Variants in CNTN4 observed in about 807,000 individuals in gnomAD.
CNTN4 encodes the protein contactin 4, also known as contactin-4.
In CNTN4, 77 loss-of-function variants were observed where a neutral mutation model predicts 122.5. That is an observed-to-expected ratio of 0.63 (90% confidence interval 0.52 to 0.76). The LOEUF is 0.76. Ranked by LOEUF, CNTN4 falls within the 30% of genes least tolerant of loss-of-function variation. The pLI is 0.00. For missense variants in CNTN4, 1,256 were observed against 1,259.1 expected, an observed-to-expected ratio of 1.00 and a Z score of 0.04; for synonymous variants, 512 against 447.0, an observed-to-expected ratio of 1.15 and a Z score of -1.83.
chr3:2,318,556 T>C (rs1215238060), intron 2 of CNTN4, among the ~76,000 whole-genome samples: 1 of 152,190 alleles, frequency 6.6e-6, no homozygotes, highest in Non-Finnish European at 1.5e-5. Context: ...GCAGGTATTT[T>C]AAATGAGAAT....
intron 3 of CNTN4, among the ~76,000 whole-genome samples, chr3:2,498,523 C>G (rs943636731): frequency 6.6e-6 from 1 of 152,112 alleles, no homozygotes; most frequent in African/African-American, 2.4e-5. Flanking sequence ...GTCACCCAGG[C>G]TGGAGTGCAT....
chr3:2,193,504 G>C (rs1238919636), intron 2 of CNTN4, among the ~76,000 whole-genome samples: 1 of 152,194 alleles, frequency 6.6e-6, no homozygotes. Flanking sequence ...AAAGAGATGT[G>C]ATAACTAAGT....
chr3:2,284,933 A>G (rs577414597), intron 2 of CNTN4, among the ~76,000 whole-genome samples: 56 of 152,102 alleles, frequency 3.7e-4, no homozygotes, highest in African/African-American at 1.3e-3. Flanking sequence ...AAATGCATTA[A>G]TGCTTCATCA....
At chr3:2,797,327 G>A (rs995290677) in intron 6 of CNTN4, among the ~76,000 whole-genome samples, 6 of 152,286 alleles carry the variant, frequency 3.9e-5, no homozygotes, top group South Asian at 2.1e-4. Context: ...CACTGGGAAT[G>A]GTGGCTTACG....
intron 2 of CNTN4, among the ~76,000 whole-genome samples, chr3:2,210,561 C>T (rs2038570557): frequency 6.6e-6 from 1 of 152,116 alleles, no homozygotes; most frequent in Admixed American, 6.5e-5. Context: ...GGATTATCTC[C>T]ATTGATAGCA....
chr3:2,682,556 C>T (rs1559383024), intron 4 of CNTN4, among the ~76,000 whole-genome samples: 1 of 152,066 alleles, frequency 6.6e-6, no homozygotes, highest in East Asian at 1.9e-4. Context: ...AGAATTTGGA[C>T]ATGCACTAGG....
At chr3:2,200,828 C>G (rs921496817) in intron 2 of CNTN4, among the ~76,000 whole-genome samples, 1 of 152,076 alleles carries the variant, frequency 6.6e-6, no homozygotes, top group African/African-American at 2.4e-5. Flanking sequence ...GGCCATAGCC[C>G]CCTTATGCTT....
intron 3 of CNTN4, among the ~76,000 whole-genome samples, chr3:2,402,111 A>G (rs1427922657): frequency 3.3e-5 from 5 of 152,152 alleles, no homozygotes; most frequent in African/African-American, 1.2e-4. Context: ...TCAAGACAAC[A>G]GGCTTATGGA....
chr3:2,579,471 T>C (rs2079839659), intron 4 of CNTN4, among the ~76,000 whole-genome samples: 1 of 152,026 alleles, frequency 6.6e-6, no homozygotes, highest in Non-Finnish European at 1.5e-5. Context: ...CGAAATTACA[T>C]AGATAGGTCT....
At chr3:2,492,621 G>A (rs937995089) in intron 3 of CNTN4, among the ~76,000 whole-genome samples, 3 of 152,076 alleles carry the variant, frequency 2.0e-5, no homozygotes, top group African/African-American at 7.2e-5. Context: ...TTTACTCTTT[G>A]TTGAAATAAT....
intron 6 of CNTN4, among the ~76,000 whole-genome samples, chr3:2,762,231 T>G (rs9310846): frequency 0.69 from 105,250 of 152,092 alleles, 37,687 homozygotes; most frequent in Non-Finnish European, 0.79. Context: ...AACTTTTTAA[T>G]TTCAGGAATA....
intron 2 of CNTN4, among the ~76,000 whole-genome samples, chr3:2,300,755 G>C (rs1036995805): frequency 2.0e-5 from 3 of 151,608 alleles, no homozygotes; most frequent in African/African-American, 7.3e-5. Flanking sequence ...TATTTTCGTA[G>C]AGATGGGGTT....
chr3:2,944,732 A>G (rs888249263), intron 13 of CNTN4, among the ~76,000 whole-genome samples: 1 of 152,200 alleles, frequency 6.6e-6, no homozygotes, highest in Non-Finnish European at 1.5e-5. Context: ...GTCTAAGGCT[A>G]CTGCTACTGC....
chr3:2,561,920 C>T (rs2078973339), intron 3 of CNTN4, among the ~76,000 whole-genome samples: 1 of 152,178 alleles, frequency 6.6e-6, no homozygotes, highest in Non-Finnish European at 1.5e-5. Context: ...CAAAGAGTGC[C>T]ATAATCAATT....
intron 4 of CNTN4, among the ~76,000 whole-genome samples, chr3:2,657,658 A>G (rs945346310): frequency 2.0e-5 from 3 of 152,108 alleles, no homozygotes; most frequent in East Asian, 3.9e-4. Context: ...AGTTTCTCAG[A>G]TGGGTGAGTC....
intron 2 of CNTN4, among the ~76,000 whole-genome samples, chr3:2,111,093 A>G (rs1418031824): frequency 6.6e-6 from 1 of 152,154 alleles, no homozygotes; most frequent in Non-Finnish European, 1.5e-5. Flanking sequence ...ACTAGTTACT[A>G]GAGTCTAACT....
chr3:2,671,277 C>G (rs1217029694), intron 4 of CNTN4, among the ~76,000 whole-genome samples: 1 of 152,158 alleles, frequency 6.6e-6, no homozygotes. Context: ...TTCTTGGAGG[C>G]TTTGTTCATT....
At chr3:2,299,696 C>G (rs2042436180) in intron 2 of CNTN4, among the ~76,000 whole-genome samples, 1 of 152,028 alleles carries the variant, frequency 6.6e-6, no homozygotes, top group Admixed American at 6.6e-5. Context: ...GTGTACACAA[C>G]AGAATATTTC....
At chr3:2,783,814 C>T (rs2091703119) in intron 6 of CNTN4, among the ~76,000 whole-genome samples, 2 of 152,200 alleles carry the variant, frequency 1.3e-5, no homozygotes, top group Admixed American at 1.3e-4. Context: ...CTAATTGCTG[C>T]TGTTCCTAAT....
Sources: allele counts gnomAD v4.1 joint callset (sites outside exome capture counted in the v4.1 genomes callset), GRCh38; gene constraint gnomAD v4.1.1; transcripts MANE v1.5; gene names NCBI Gene and HGNC (gene_info 2026-07-23, HGNC 2026-07-21).